MAN2A1: variants seen among roughly 807,000 people sequenced by gnomAD.
MAN2A1 encodes the protein alpha-mannosidase 2.
In MAN2A1, 76 loss-of-function variants were observed where a neutral mutation model predicts 142.6. That is an observed-to-expected ratio of 0.53 (90% CI 0.44 to 0.65). MAN2A1 has a LOEUF of 0.65. MAN2A1 is among the 30% of genes least tolerant of loss of function. The pLI is 0.00. For synonymous variants in MAN2A1, 559 were observed against 473.2 expected (o/e 1.18, Z -2.35); for missense variants, 1,311 against 1,365.1 (o/e 0.96, Z 0.62).
chr5:109,779,626 T>A (rs1237412571), intron 8 of MAN2A1, among the ~76,000 whole-genome samples: 1 of 151,934 alleles, frequency 6.6e-6, no homozygotes, highest in African/African-American at 2.4e-5. Context: ...TGAGTAATAA[T>A]ACTCTTAGTG....
intron 1 of MAN2A1, among the ~76,000 whole-genome samples, chr5:109,697,771 G>A (rs953330386): frequency 6.6e-6 from 1 of 152,154 alleles, no homozygotes; most frequent in Admixed American, 6.6e-5. Flanking sequence ...AATATTGGAG[G>A]CAAATAGTAT....
chr5:109,802,490 G>T (rs149546515), intron 12 of MAN2A1, among the ~76,000 whole-genome samples: 2 of 152,078 alleles, frequency 1.3e-5, no homozygotes, highest in South Asian at 4.1e-4. Flanking sequence ...TGGTTTGGGC[G>T]AATTATGAAA....
intron 1 of MAN2A1, among the ~76,000 whole-genome samples, chr5:109,692,499 C>T (rs1750699407): frequency 1.3e-5 from 2 of 152,096 alleles, no homozygotes. Context: ...TGACATTAGC[C>T]TTCGTATCTT....
rs374516906 is a variant in MAN2A1 at position 109,774,820 on chromosome 5, A to C, written c.1229A>C (p.Lys410Thr). The C allele has an allele frequency of 6.2e-7, 1 of 1,612,664 alleles. No individual in the cohort carries two copies. The highest frequency in any genetic ancestry group is 8.5e-7 in the Non-Finnish European group (1 of 1,179,616). Residue 410 changes from lysine (K) to threonine (T), a missense_variant, in exon 8 of 22, where the codon AAG (lysine) becomes ACG (threonine). Transcript: ENST00000261483. The stretch of plus-strand genomic sequence containing the variant: ...ATGCTACTAGATCAGTACCGAAAGA[A>C]GTCAAAGCTTTTTCGTACCAAAGTT... ...ARMLLDQYRK[K>T]SKLFRTKVLL...
chr5:109,817,193 T>C (rs79521149), intron 12 of MAN2A1, 80 bp from the exon 13 acceptor site: 22 of 773,998 alleles, frequency 2.8e-5, no homozygotes, highest in Non-Finnish European at 3.9e-5. Context: ...TGTATATGTA[T>C]ATGTATATCT....
chr5:109,693,145 TA>T (rs1365416965), intron 1 of MAN2A1, among the ~76,000 whole-genome samples: 1 of 151,552 alleles, frequency 6.6e-6, no homozygotes, highest in Non-Finnish European at 1.5e-5. Context: ...CCATAATGAA[TA>T]TGGTCCTTTT....
At chr5:109,823,395 C>G (rs17424079) in intron 15 of MAN2A1, among the ~76,000 whole-genome samples, 2,742 of 152,244 alleles carry the variant, frequency 0.018, 35 homozygotes, top group Non-Finnish European at 0.026. Context: ...GAAAATGTAA[C>G]TTCTGTAGAA....
intron 18 of MAN2A1, among the ~76,000 whole-genome samples, chr5:109,846,988 C>G (rs1261761281): frequency 7.3e-6 from 1 of 136,448 alleles, no homozygotes; most frequent in Admixed American, 7.3e-5. Flanking sequence ...GGTTAGGGGC[C>G]CAGTGTTGCT....
intron 4 of MAN2A1, among the ~76,000 whole-genome samples, chr5:109,737,573 T>A (rs1297489797): frequency 6.6e-6 from 1 of 152,166 alleles, no homozygotes; most frequent in Non-Finnish European, 1.5e-5. Context: ...ACTACTGTTT[T>A]TATCTTCGTA....
chr5:109,701,754 C>G (rs1165312540), intron 1 of MAN2A1, among the ~76,000 whole-genome samples: 4 of 152,034 alleles, frequency 2.6e-5, no homozygotes, highest in Non-Finnish European at 5.9e-5. Context: ...AGAGAAAGAC[C>G]AAAGCTTTTT....
intron 20 of MAN2A1, among the ~76,000 whole-genome samples, chr5:109,857,805 C>T (rs1755661823): frequency 6.6e-6 from 1 of 152,172 alleles, no homozygotes; most frequent in African/African-American, 2.4e-5. Context: ...GCAGCCTGGC[C>T]TCTACTTACT....
chr5:109,860,021 C>G (rs1478259473), intron 20 of MAN2A1, among the ~76,000 whole-genome samples: 1 of 151,686 alleles, frequency 6.6e-6, no homozygotes, highest in Non-Finnish European at 1.5e-5. Flanking sequence ...AAATAGTTAA[C>G]CATCATTTCA....
Position 109,770,413 on chromosome 5 carries a change from C to A in MAN2A1, c.1068C>A (p.Ile356=). ...TGATGCCCTTCTACAGCTATGACAT[C>A]CCTCACACTTGTGGACCTGATCCTA... is the stretch of plus-strand genomic sequence containing the variant. ...CHMMPFYSYD[I]PHTCGPDPKI... is the part of the protein sequence containing the mutation. Residue 356 remains isoleucine (I), a synonymous_variant, in exon 7 of 22, where the codon ATC becomes ATA. Coordinates refer to ENST00000261483, the MANE Select transcript of MAN2A1 (RefSeq NM_002372.4). 6.2e-7 allele frequency: 1 copy of A among 1,613,986 alleles called. No individual in the cohort carries two copies. The highest frequency in any genetic ancestry group is 8.5e-7 in the Non-Finnish European group (1 of 1,179,876).
intron 16 of MAN2A1, among the ~76,000 whole-genome samples, chr5:109,833,049 G>A (rs1441646191): frequency 2.0e-5 from 3 of 150,902 alleles, no homozygotes; most frequent in Admixed American, 2.0e-4. Context: ...CAGGGCAGAG[G>A]CGCTCCCCAC....
At chr5:109,830,622 C>G (rs1020977607) in intron 16 of MAN2A1, among the ~76,000 whole-genome samples, 1 of 152,156 alleles carries the variant, frequency 6.6e-6, no homozygotes, top group East Asian at 1.9e-4. Flanking sequence ...TGCAATCAAT[C>G]TCTCATTTTT....
rs1750625971 is a variant in MAN2A1 at position 109,690,277 on chromosome 5, G to T, written c.-141G>T. On this transcript the variant is annotated 5_prime_UTR_variant, in exon 1 of 22. Transcript: ENST00000261483. ...CCGGAGACTAGGTGCGGAGCAAGGC[G>T]GGGACTCGCACCCGCATCCGAGAGC... 5 of 796,386 alleles carry T rather than the reference G, an allele frequency of 6.3e-6. No individual in the cohort carries two copies. The South Asian group carries it at 6.3e-5, about 10-fold the overall frequency. 49.3% of individuals were successfully genotyped at this position (796,386 alleles called of 1,614,324 possible).
At chr5:109,736,037 G>C (rs905472567) in intron 4 of MAN2A1, among the ~76,000 whole-genome samples, 1 of 152,014 alleles carries the variant, frequency 6.6e-6, no homozygotes, top group Non-Finnish European at 1.5e-5. Context: ...GCTGCTACTG[G>C]AACCAGAGTT....
At chr5:109,787,829 CACTT>C (rs772741058) in intron 10 of MAN2A1, among the ~76,000 whole-genome samples, 1 of 151,826 alleles carries the variant, frequency 6.6e-6, no homozygotes, top group Non-Finnish European at 1.5e-5. Context: ...ATGGTGAAAA[CACTT>C]AATGCTGTCT....
chr5:109,862,009 G>C (rs1406739575), intron 20 of MAN2A1, among the ~76,000 whole-genome samples: 2 of 152,110 alleles, frequency 1.3e-5, no homozygotes, highest in Non-Finnish European at 2.9e-5. Context: ...CTATTTCAAA[G>C]GTTGTTGTGC....
Sources: allele counts gnomAD v4.1 joint callset (sites outside exome capture counted in the v4.1 genomes callset), GRCh38; gene constraint gnomAD v4.1.1; transcripts MANE v1.5; gene names NCBI Gene and HGNC (gene_info 2026-07-23, HGNC 2026-07-21).